SLC5A3: variants seen among roughly 807,000 people sequenced by gnomAD.
SLC5A3 encodes sodium/myo-inositol cotransporter.
SLC5A3 carries 10 observed loss-of-function variants against 43.2 expected under a neutral mutation model. The observed-to-expected ratio is 0.23, with a 90% CI of 0.14 to 0.39. The LOEUF (loss-of-function observed/expected upper bound fraction) is 0.39, where lower values mean the gene tolerates loss of function less well. Among genes scored for constraint, SLC5A3 ranks in the 10% least tolerant of loss-of-function variants. The pLI, the probability that SLC5A3 is intolerant of heterozygous loss-of-function variation, is 1.00. For missense variants in SLC5A3, 608 were observed against 893.4 expected (o/e 0.68, Z 4.07); for synonymous variants, 349 against 322.0 (o/e 1.08, Z -0.90).
chr21:34,085,677 C>T (rs920333558), intron 1 of SLC5A3, among the ~76,000 whole-genome samples: 1 of 150,376 alleles, frequency 6.6e-6, no homozygotes, highest in African/African-American at 2.5e-5. Context: ...TCTCGGCTCA[C>T]TGCAAGCTCT....
chr21:34,090,693 A>G (rs1978640596), intron 1 of SLC5A3, among the ~76,000 whole-genome samples: 1 of 152,198 alleles, frequency 6.6e-6, no homozygotes, highest in South Asian at 2.1e-4. Flanking sequence ...GCACTGGGCA[A>G]TACTAGCTTT....
rs185699840 is a variant in SLC5A3 at position 34,074,312 on chromosome 21, T to C, written c.-337+567T>C. 3.7e-3 allele frequency among the ~76,000 whole-genome samples: 559 copies of C among 152,292 alleles called. 1 individual carries two copies. The highest frequency in any genetic ancestry group is 0.012 in the African/African-American group (515 of 41,570). ...TGCCGTTGTCTGTATTCCAGTCTCT[T>C]GCAATCGCTCTCATGTTAAAAAAAA... On this transcript the variant is annotated intron_variant, in intron 1 of 1. Coordinates refer to ENST00000381151, the MANE Select transcript of SLC5A3 (RefSeq NM_006933.7).
intron 1 of SLC5A3, among the ~76,000 whole-genome samples, chr21:34,086,318 T>G (rs1295142957): frequency 6.6e-6 from 1 of 152,178 alleles, no homozygotes; most frequent in East Asian, 1.9e-4. Context: ...ATTCTTGGTG[T>G]GGGTACAGAT....
intron 1 of SLC5A3, among the ~76,000 whole-genome samples, chr21:34,077,492 C>T (rs1349245106): frequency 6.6e-6 from 1 of 152,140 alleles, no homozygotes; most frequent in Non-Finnish European, 1.5e-5. Flanking sequence ...GGAATTTTTA[C>T]ATGAAGAATT....
At chr21:34,077,124 T>A (rs1020909227) in intron 1 of SLC5A3, among the ~76,000 whole-genome samples, 1 of 152,224 alleles carries the variant, frequency 6.6e-6, no homozygotes, top group Non-Finnish European at 1.5e-5. Flanking sequence ...GAGTGAGCTC[T>A]CTTGTGAGTG....
chr21:34,073,781 C>A (rs553662649), intron 1 of SLC5A3, 36 bp downstream of exon 1: 16 of 1,435,188 alleles, frequency 1.1e-5, no homozygotes, highest in Non-Finnish European at 1.5e-5. Flanking sequence ...TCTTCCCGCG[C>A]GGGCGCCCCC....
chr21:34,079,457 A>G (rs956992975), intron 1 of SLC5A3, among the ~76,000 whole-genome samples: 2 of 151,592 alleles, frequency 1.3e-5, no homozygotes, highest in Non-Finnish European at 2.9e-5. Context: ...TTTTTTTGAG[A>G]CAGAGTCTTG....
intron 1 of SLC5A3, among the ~76,000 whole-genome samples, chr21:34,079,558 C>T (rs1469787087): frequency 6.6e-6 from 1 of 150,984 alleles, no homozygotes; most frequent in Non-Finnish European, 1.5e-5. Context: ...GTCTCAGCCT[C>T]CCAAGTAGCT....
Position 34,096,668 on chromosome 21 carries a change from C to T in SLC5A3, c.1470C>T (p.Ala490=), listed in dbSNP as rs1024914411. The T allele has an allele frequency of 4.3e-6, 7 of 1,614,144 alleles. No homozygotes were observed. Among genetic ancestry groups the T allele is most frequent in the African/African-American group, 1.3e-5 (1 of 75,034 alleles). ...LGAVRLILAF[A]YRAPECDQPD... ...CAGTCCGTTTGATACTGGCCTTTGC[C>T]TACCGTGCCCCAGAATGTGACCAAC... Residue 490 remains alanine, a synonymous_variant, in exon 2 of 2, where the codon GCC becomes GCT. Coordinates refer to ENST00000381151, the MANE Select transcript of SLC5A3 (RefSeq NM_006933.7). This position sits in a 1 kb window ranked among gnomAD's most constrained non-coding sequence, Gnocchi z 5.9.
At chr21:34,090,652 A>G (rs1978638584) in intron 1 of SLC5A3, among the ~76,000 whole-genome samples, 1 of 152,228 alleles carries the variant, frequency 6.6e-6, no homozygotes. Context: ...TGTAGGGAGT[A>G]AACTGACATT....
intron 1 of SLC5A3, among the ~76,000 whole-genome samples, chr21:34,087,410 C>A (rs1289149538): frequency 6.6e-6 from 1 of 152,100 alleles, no homozygotes; most frequent in Non-Finnish European, 1.5e-5. Context: ...CATTTGAGCA[C>A]CTGTAATATG....
rs1979300180 is a variant in SLC5A3, at chr21:34,102,681, T to C, written c.*5326T>C. On this transcript the variant is annotated 3_prime_UTR_variant, in exon 2 of 2. Transcript: ENST00000381151. The stretch of plus-strand genomic sequence containing the variant: ...TGCTTGAAGAGAAAGGATGCTAGAA[T>C]AAAGTAAGCAGCTGAAGAGCGAGCA... 1.1e-5 allele frequency: 11 copies of C among 1,000,030 alleles called. No homozygotes were observed. The highest frequency in any genetic ancestry group is 1.1e-5 in the Non-Finnish European group (9 of 829,906). The allele number at this position is 1,000,030 out of a possible 1,614,324, so 61.9% of individuals were successfully genotyped here.
In SLC5A3 at chr21:34,095,297, A is replaced by G. The variant is rs759882740; in HGVS notation, c.99A>G (p.Arg33=). 21 of 1,614,090 alleles carry G rather than the reference A, an allele frequency of 1.3e-5. No individual in the cohort carries two copies. The highest frequency in any genetic ancestry group is 1.8e-5 in the Non-Finnish European group (21 of 1,179,972). The change falls in exon 2 of 2, where the codon AGA becomes AGG. Residue 33 remains arginine (R), a synonymous_variant. Transcript: ENST00000381151. ...TTTTTGCCATGTGGAAATCTAATAG[A>G]AGCACCGTGAGTGGATACTTCCTGG... The part of the protein sequence containing the change: ...IGFFAMWKSN[R]STVSGYFLAG...
chr21:34,100,069 T>A lies in SLC5A3; in HGVS notation c.*2714T>A. On this transcript the variant is annotated 3_prime_UTR_variant, in exon 2 of 2. Transcript: ENST00000381151. ...AATGATGACATTGGTCTTTAGACATTAACATGTGTATATTTTTATATTAGC... is the reference window on the plus strand; with the variant it reads ...AATGATGACATTGGTCTTTAGACATAAACATGTGTATATTTTTATATTAGC... The A allele has an allele frequency of 1.0e-6, 1 of 996,882 alleles. No individual in the cohort carries two copies. The highest frequency in any genetic ancestry group is 1.2e-6 in the Non-Finnish European group (1 of 826,974). The allele number at this position is 996,882 out of a possible 1,614,324, so 61.8% of individuals were successfully genotyped here. A position where few individuals can be genotyped will look rare whatever the true frequency, so the allele number is the denominator to read the frequency against.
chr21:34,078,609 CA>C, intron 1 of SLC5A3, among the ~76,000 whole-genome samples: 1 of 152,036 alleles, frequency 6.6e-6, no homozygotes, highest in Non-Finnish European at 1.5e-5. Context: ...AAATCAGTTT[CA>C]AAAAATTAAG....
Position 34,073,609 on chromosome 21 carries a change from C to A in SLC5A3, c.-473C>A, listed in dbSNP as rs962679811. 7 of 1,134,402 alleles carry A rather than the reference C, an allele frequency of 6.2e-6. No homozygotes were observed. The highest frequency in any genetic ancestry group is 2.7e-5 in the South Asian group (2 of 73,800). 70.3% of individuals were successfully genotyped at this position (1,134,402 alleles called of 1,614,324 possible). A position where few individuals can be genotyped will look rare whatever the true frequency, so the allele number is the denominator to read the frequency against. On this transcript the variant is annotated 5_prime_UTR_variant, in exon 1 of 2. Coordinates refer to ENST00000381151, the MANE Select transcript of SLC5A3 (RefSeq NM_006933.7). Reference sequence around the variant, plus strand: ...GCCGCCTGGGAGCCGTCCGGCGCAGCAGTTTCTAGGTCCCCACTGTCCCCG... The same window carrying A: ...GCCGCCTGGGAGCCGTCCGGCGCAGAAGTTTCTAGGTCCCCACTGTCCCCG...
chr21:34,100,531 C>G lies in SLC5A3; in HGVS notation c.*3176C>G. On this transcript the variant is annotated 3_prime_UTR_variant, in exon 2 of 2. Coordinates refer to ENST00000381151, the MANE Select transcript of SLC5A3 (RefSeq NM_006933.7). Reference sequence around the variant, plus strand: ...CTCATCTCCTAGGGCTTCCTTTTCACTTGGCTCAAAGGATCCATTGTATTT... The same window carrying G: ...CTCATCTCCTAGGGCTTCCTTTTCAGTTGGCTCAAAGGATCCATTGTATTT... 1.0e-6 allele frequency: 1 copy of G among 1,000,248 alleles called. No individual in the cohort carries two copies. The highest frequency in any genetic ancestry group is 1.2e-6 in the Non-Finnish European group (1 of 829,984). 62.0% of individuals were successfully genotyped at this position (1,000,248 alleles called of 1,614,324 possible).
At chr21:34,074,575 C>T (rs577936438) in intron 1 of SLC5A3, among the ~76,000 whole-genome samples, 1 of 152,354 alleles carries the variant, frequency 6.6e-6, no homozygotes, top group South Asian at 2.1e-4. Context: ...GGAGGCAGCT[C>T]ACTTCGTCCT....
In SLC5A3 at chr21:34,095,489, C is replaced by T; in HGVS notation, c.291C>T (p.Phe97=). 2 of 1,614,112 alleles carry T rather than the reference C, an allele frequency of 1.2e-6. No homozygotes were observed. Among genetic ancestry groups the T allele is most frequent in the Non-Finnish European group, 1.7e-6 (2 of 1,179,990 alleles). ...TTTTACAACTTCTGGGATGGGTTTTCATCCCAATTTACATCCGGTCAGGGG... is the reference window on the plus strand; with the variant it reads ...TTTTACAACTTCTGGGATGGGTTTTTATCCCAATTTACATCCGGTCAGGGG... ...LLLLQLLGWV[F]IPIYIRSGVY... Residue 97 remains phenylalanine, a synonymous_variant, in exon 2 of 2, where the codon TTC becomes TTT. Transcript: ENST00000381151.
Sources: gnomAD v4.1 joint callset for allele counts (sites outside exome capture counted in the v4.1 genomes callset) on GRCh38, gnomAD v4.1.1 for gene constraint, Gnocchi (gnomAD v3.1) non-coding constraint, MANE v1.5 for transcripts, NCBI Gene and HGNC (gene_info 2026-07-23, HGNC 2026-07-21) for gene names.